Variants in ACOT12 observed in about 807,000 individuals in gnomAD.
The protein encoded by ACOT12 is acetyl-coenzyme A thioesterase.
ACOT12 carries 51 observed loss-of-function variants against 67.7 expected under a neutral mutation model. The observed-to-expected ratio is 0.75, with a 90% CI of 0.60 to 0.95. The LOEUF is 0.95. Ranked by LOEUF, ACOT12 falls within the 40% of genes least tolerant of loss-of-function variation. The pLI, the probability that ACOT12 is intolerant of heterozygous loss-of-function variation, is 0.00. For missense variants in ACOT12, 734 were observed against 708.1 expected (o/e 1.04, Z -0.41); for synonymous variants, 251 against 244.6 (o/e 1.03, Z -0.24).
intron 2 of ACOT12, among the ~76,000 whole-genome samples, chr5:81,380,144 C>G (rs1760535862): frequency 6.6e-6 from 1 of 152,124 alleles, no homozygotes; most frequent in African/African-American, 2.4e-5. Context: ...TTTATTAACC[C>G]TTAATTTTAT....
At chr5:81,322,733 G>A in the ACOT12 span, among the ~76,000 whole-genome samples, 28 of 152,246 alleles carry the variant, frequency 1.8e-4, no homozygotes, top group Non-Finnish European at 2.9e-4. Flanking sequence ...AGCTGAGAAG[G>A]CCTCAGGAAA....
At chr5:81,380,581 G>GA (rs948838684) in intron 2 of ACOT12, among the ~76,000 whole-genome samples, 1 of 118,262 alleles carries the variant, frequency 8.5e-6, no homozygotes, top group African/African-American at 3.8e-5. Context: ...AAAAAAAAAA[G>GA]AAAAGAAATC....
At chr5:81,371,987 G>A (rs538803056) in intron 2 of ACOT12, among the ~76,000 whole-genome samples, 177 bp from the exon 3 acceptor site, 2 of 152,172 alleles carry the variant, frequency 1.3e-5, no homozygotes, top group African/African-American at 2.4e-5. Flanking sequence ...AAAAACAAAG[G>A]CCGATAACTG....
At chr5:81,363,985 T>C (rs1759998958) in intron 3 of ACOT12, 96 bp from the exon 4 acceptor site, 1 of 679,662 alleles carries the variant, frequency 1.5e-6, no homozygotes, top group Non-Finnish European at 2.1e-6. Flanking sequence ...CCTTCTTTCA[T>C]TTTAAAAATG....
downstream of ACOT12, among the ~76,000 whole-genome samples, chr5:81,329,216 A>G (rs1758745167): frequency 6.6e-6 from 1 of 152,182 alleles, no homozygotes; most frequent in Non-Finnish European, 1.5e-5. Context: ...AAGTGTCTCA[A>G]TTGTAGGTGA....
At chr5:81,335,454 TC>T (rs1758964438) in intron 12 of ACOT12, among the ~76,000 whole-genome samples, 1 of 152,152 alleles carries the variant, frequency 6.6e-6, no homozygotes. Flanking sequence ...AGCCTTGACC[TC>T]CCAGACTCAT....
chr5:81,367,145 C>G (rs1180130692), intron 3 of ACOT12, among the ~76,000 whole-genome samples: 2 of 152,096 alleles, frequency 1.3e-5, no homozygotes, highest in South Asian at 2.1e-4. Flanking sequence ...GAAACAAACA[C>G]ATTTTTACAC....
In ACOT12 at chr5:81,362,187, C is replaced by T. The variant is rs573601285; in HGVS notation, c.360+1601G>A. On this transcript the variant is annotated intron_variant, in intron 4 of 14. Coordinates refer to ENST00000307624, the MANE Select transcript of ACOT12 (RefSeq NM_130767.3). ...TCTTTTTTTTTTTTTTTTTTTGAGA[C>T]GGAGTTTTGCTCTTGTTGCCCAGGC... 1.6e-4 allele frequency among the ~76,000 whole-genome samples: 20 copies of T among 128,230 alleles called. No individual in the cohort carries two copies. In the South Asian group the frequency reaches 3.4e-3, roughly 22 times the overall value. The allele number at this position is 128,230 out of a possible 152,430, so 84.1% of individuals were successfully genotyped here. A position where few individuals can be genotyped will look rare whatever the true frequency, so the allele number is the denominator to read the frequency against.
intron 3 of ACOT12, among the ~76,000 whole-genome samples, chr5:81,368,926 T>C (rs1193069549): frequency 6.6e-6 from 1 of 151,888 alleles, no homozygotes; most frequent in Non-Finnish European, 1.5e-5. Context: ...AAAAGGGTAC[T>C]GACCTGAAGT....
intron 2 of ACOT12, among the ~76,000 whole-genome samples, chr5:81,383,129 A>G (rs765624057): frequency 6.6e-6 from 1 of 152,070 alleles, no homozygotes; most frequent in Non-Finnish European, 1.5e-5. Flanking sequence ...GCGTGGTGGC[A>G]GGCGCATGTA....
chr5:81,312,518 A>G, the ACOT12 span: 3 of 1,568,552 alleles, frequency 1.9e-6, no homozygotes, highest in Non-Finnish European at 1.7e-6. Context: ...TTTTTCTAAC[A>G]TTCTGATTTT....
intron 5 of ACOT12, among the ~76,000 whole-genome samples, chr5:81,348,540 CA>C (rs1759453062): frequency 6.6e-6 from 1 of 152,146 alleles, no homozygotes; most frequent in South Asian, 2.1e-4. Context: ...AGGAAAGACA[CA>C]ATCTGTTATA....
chr5:81,326,208 C>T (rs1035634692), downstream of ACOT12, among the ~76,000 whole-genome samples: 1 of 149,882 alleles, frequency 6.7e-6, no homozygotes, highest in Non-Finnish European at 1.5e-5. Flanking sequence ...TCACTGCAAC[C>T]TCCACCTCCT....
intron 7 of ACOT12, 59 bp from the exon 8 acceptor site, chr5:81,345,100 T>C (rs28714197): frequency 6.3e-7 from 1 of 1,591,870 alleles, no homozygotes; most frequent in African/African-American, 1.4e-5. Context: ...AGGCCCTCCT[T>C]GCACACCGCT....
At chr5:81,326,890 C>T (rs1758686022), downstream of ACOT12, among the ~76,000 whole-genome samples, 1 of 152,124 alleles carries the variant, frequency 6.6e-6, no homozygotes, top group Non-Finnish European at 1.5e-5. Flanking sequence ...AGCTGTCTGT[C>T]CCCATAGTTT....
chr5:81,337,652 T>C (rs1759046081), intron 11 of ACOT12, among the ~76,000 whole-genome samples: 1 of 151,980 alleles, frequency 6.6e-6, no homozygotes, highest in African/African-American at 2.4e-5. Flanking sequence ...TGACAGAAAA[T>C]CACCAGAAGC....
intron 2 of ACOT12, among the ~76,000 whole-genome samples, chr5:81,384,186 G>T (rs1047624356): frequency 1.3e-5 from 2 of 148,884 alleles, no homozygotes; most frequent in South Asian, 2.1e-4. Flanking sequence ...GTGTATTGGC[G>T]TGATCTTGGC....
rs1370251510 is a variant in ACOT12 at position 81,385,812 on chromosome 5, C to T, written c.142G>A (p.Gly48Arg). ...TACLAAEKHA[G>R]VSCVTASVDD... ...ACTGAGGCTGTAACGCAGGAAACTC[C>T]AGCATGTTTCTCAGCTTCAAAAAAT... Residue 48 changes from glycine to arginine, a missense_variant, in exon 2 of 15, where the codon GGA becomes AGA. Coordinates refer to ENST00000307624, the MANE Select transcript of ACOT12 (RefSeq NM_130767.3). 1 of 1,614,000 alleles carries T rather than the reference C, an allele frequency of 6.2e-7. No individual in the cohort carries two copies. Among genetic ancestry groups the T allele is most frequent in the South Asian group, 1.1e-5 (1 of 91,072 alleles).
chr5:81,319,320 T>C, the ACOT12 span, among the ~76,000 whole-genome samples: 1 of 152,274 alleles, frequency 6.6e-6, no homozygotes, highest in Admixed American at 6.5e-5. Context: ...ACGTATCATA[T>C]AATTGACTAT....
Sources: gnomAD v4.1 joint callset for allele counts (sites outside exome capture counted in the v4.1 genomes callset) on GRCh38, gnomAD v4.1.1 for gene constraint, MANE v1.5 for transcripts, NCBI Gene and HGNC (gene_info 2026-07-23, HGNC 2026-07-21) for gene names.